Variants in GK observed in about 807,000 individuals in gnomAD.
GK encodes glycerol kinase, also known as ATP:glycerol 3-phosphotransferase.
A neutral mutation model predicts 56.4 loss-of-function variants in GK; 9 were observed. The observed-to-expected ratio is 0.16, with a 90% CI of 0.10 to 0.28. The LOEUF is 0.28. Ranked by LOEUF, GK falls within the 10% of genes least tolerant of loss-of-function variation. The pLI, the probability that GK is intolerant of heterozygous loss-of-function variation, is 1.00. For synonymous variants in GK, 104 were observed against 144.1 expected (o/e 0.72, Z 1.99); for missense variants, 161 against 431.4 (o/e 0.37, Z 5.55).
chrX:30,689,383 G>GT (rs1234232498), intron 4 of GK: 2 of 292,011 alleles, frequency 6.8e-6, no homozygotes, highest in African/African-American at 5.4e-5. Flanking sequence ...CTAATGGCTT[G>GT]TATCAATCAC....
intron 11 of GK, among the ~76,000 whole-genome samples, chrX:30,705,012 A>G (rs1000054099): frequency 8.9e-6 from 1 of 112,646 alleles, no homozygotes; most frequent in Non-Finnish European, 1.9e-5. Flanking sequence ...TGGTGAGAGA[A>G]GGACATAGTT....
chrX:30,696,649 A>G lies in GK; in HGVS notation c.695A>G (p.Asn232Ser), dbSNP rs1935253011. 1.9e-5 allele frequency: 23 copies of G among 1,204,263 alleles called. No individual in the cohort carries two copies. The highest frequency in any genetic ancestry group is 2.6e-5 in the Non-Finnish European group (23 of 889,798). ...FFGIPMEILP[N>S]VRSSSEIYGL... ...GGAATTCCAATGGAAATTCTTCCAA[A>G]TGTCCGGAGTTCTTCTGAGATCTAT... The change falls in exon 8 of 21, where the codon AAT becomes AGT. Residue 232 changes from asparagine (N) to serine (S), a missense_variant. Coordinates refer to ENST00000427190, the MANE Select transcript of GK (RefSeq NM_001205019.2).
chrX:30,702,321 C>T (rs966284168), intron 11 of GK, among the ~76,000 whole-genome samples: 4 of 112,046 alleles, frequency 3.6e-5, no homozygotes, highest in Non-Finnish European at 3.8e-5. Context: ...GGATTACAGG[C>T]GTGAGCCACC....
At chrX:30,696,712 A>C in intron 8 of GK, 29 bp downstream of exon 8, 7 of 1,049,198 alleles carry the variant, frequency 6.7e-6, no homozygotes, top group Non-Finnish European at 9.3e-6. Context: ...AACAAAAAAC[A>C]CACCAAAAAA....
chrX:30,699,290 TATACATAACATGTATATATATAACATG>T (rs1274571652), intron 9 of GK, among the ~76,000 whole-genome samples: 11 of 99,157 alleles, frequency 1.1e-4, no homozygotes, highest in East Asian at 3.2e-4. Context: ...TACAACATGT[TATACATAACATGTATATATATAACATG>T]TTATATATAT....
intron 9 of GK, among the ~76,000 whole-genome samples, chrX:30,699,396 C>T (rs1271398269): frequency 1.1e-5 from 1 of 91,249 alleles, no homozygotes; most frequent in African/African-American, 4.2e-5. Context: ...GACGGAGGCT[C>T]ACTCTGTCAC....
intron 1 of GK, among the ~76,000 whole-genome samples, chrX:30,659,469 A>G (rs1932574089): frequency 8.9e-6 from 1 of 112,744 alleles, no homozygotes; most frequent in Non-Finnish European, 1.9e-5. Flanking sequence ...AGTCACTCAC[A>G]TTTACGTAGT....
intron 11 of GK, among the ~76,000 whole-genome samples, chrX:30,705,492 C>T (rs1935951307): frequency 8.9e-6 from 1 of 112,710 alleles, no homozygotes; most frequent in Non-Finnish European, 1.9e-5. Context: ...GGTCAACCCC[C>T]CTGCCCCTAT....
intron 1 of GK, among the ~76,000 whole-genome samples, chrX:30,660,137 G>A (rs191519675): frequency 2.1e-4 from 23 of 111,171 alleles, no homozygotes; most frequent in African/African-American, 3.3e-5. Flanking sequence ...CATAGTTTGC[G>A]CATAGAGCTG....
At chrX:30,665,827 A>T (rs750496587) in intron 2 of GK, among the ~76,000 whole-genome samples, 206 of 112,421 alleles carry the variant, frequency 1.8e-3, no homozygotes, top group Non-Finnish European at 2.8e-3. Context: ...AGAGTATTAA[A>T]TATCAGAAAT....
chrX:30,669,882 A>G (rs1446409240), intron 3 of GK, among the ~76,000 whole-genome samples: 1 of 112,887 alleles, frequency 8.9e-6, no homozygotes, highest in African/African-American at 3.2e-5. Flanking sequence ...TGCAGAAAAC[A>G]TGTTAATCTG....
intron 1 of GK, among the ~76,000 whole-genome samples, chrX:30,653,975 C>A (rs1230409063): frequency 8.9e-6 from 1 of 112,685 alleles, no homozygotes; most frequent in Non-Finnish European, 1.9e-5. Flanking sequence ...CCGCGGTCTT[C>A]CCCAGGAACA....
intron 2 of GK, among the ~76,000 whole-genome samples, chrX:30,667,031 A>G (rs1017410015): frequency 1.8e-5 from 2 of 110,629 alleles, no homozygotes; most frequent in South Asian, 3.8e-4. Context: ...GCGGGCGCCT[A>G]TAGTCCCAGC....
At chrX:30,701,668 T>C (rs1935673428) in intron 11 of GK, among the ~76,000 whole-genome samples, 1 of 112,256 alleles carries the variant, frequency 8.9e-6, no homozygotes, top group South Asian at 3.7e-4. Context: ...TTATCTGAAG[T>C]TTCGCCTTTC....
At chrX:30,662,835 T>TC (rs1569141144) in intron 1 of GK, among the ~76,000 whole-genome samples, 32 of 31,410 alleles carry the variant, frequency 1.0e-3, no homozygotes, top group South Asian at 4.1e-3. Context: ...CTCTCTCTCT[T>TC]TCTTTCTTTC....
At chrX:30,724,068 T>C (rs1216704554) in intron 18 of GK, 33 bp from the exon 19 acceptor site, 1 of 871,991 alleles carries the variant, frequency 1.1e-6, no homozygotes, top group Non-Finnish European at 1.7e-6. Flanking sequence ...AAACTACCTT[T>C]CGTTATGTGT....
intron 3 of GK, among the ~76,000 whole-genome samples, chrX:30,668,621 A>G (rs778300518): frequency 8.9e-6 from 1 of 111,994 alleles, no homozygotes; most frequent in Non-Finnish European, 1.9e-5. Context: ...TTGAGCAGTG[A>G]GACTGGGTAG....
chrX:30,727,573 G>A (rs771966205), intron 20 of GK, 21 bp downstream of exon 20: 4 of 941,165 alleles, frequency 4.3e-6, no homozygotes, highest in Non-Finnish European at 6.1e-6. Context: ...CTTTAAATTA[G>A]ACAACTCTAT....
At chrX:30,705,239 A>G (rs998442274) in intron 11 of GK, among the ~76,000 whole-genome samples, 2 of 112,367 alleles carry the variant, frequency 1.8e-5, no homozygotes, top group Non-Finnish European at 3.8e-5. Context: ...GCAGGGAGAA[A>G]ATGACAGTCA....
Sources: allele counts gnomAD v4.1 joint callset (sites outside exome capture counted in the v4.1 genomes callset), GRCh38; gene constraint gnomAD v4.1.1; transcripts MANE v1.5; gene names NCBI Gene and HGNC (gene_info 2026-07-23, HGNC 2026-07-21).